The following NCALD variants were observed in gnomAD, a reference collection of about 807,000 sequenced individuals.
NCALD encodes neurocalcin delta.
NCALD carries 10 observed loss-of-function variants against 18.6 expected under a neutral mutation model. The ratio of observed to expected loss-of-function variants is 0.54; its 90% confidence interval spans 0.33 to 0.91. The LOEUF (loss-of-function observed/expected upper bound fraction) is 0.91, where lower values mean the gene tolerates loss of function less well. Ranked by LOEUF, NCALD falls within the 40% of genes least tolerant of loss-of-function variation. The pLI, the probability that NCALD is intolerant of heterozygous loss-of-function variation, is 0.03. For missense variants in NCALD, 184 were observed against 247.6 expected (o/e 0.74, Z 1.72); for synonymous variants, 88 against 87.4 (o/e 1.01, Z -0.04).
chr8:101,804,828 C>A (rs904851595), intron 4 of NCALD, among the ~76,000 whole-genome samples: 8 of 151,214 alleles, frequency 5.3e-5, no homozygotes, highest in Middle Eastern at 3.4e-3. Context: ...GTGTGACTCA[C>A]TTTATTGCAA....
intron 2 of NCALD, among the ~76,000 whole-genome samples, chr8:101,960,617 C>T (rs1554672593): frequency 1.3e-5 from 2 of 152,078 alleles, no homozygotes; most frequent in Admixed American, 6.5e-5. Flanking sequence ...GTCACAGAAC[C>T]TCTGTGAACC....
intron 1 of NCALD, among the ~76,000 whole-genome samples, chr8:101,771,785 A>T (rs1811594562): frequency 6.6e-6 from 1 of 152,214 alleles, no homozygotes; most frequent in South Asian, 2.1e-4. Context: ...AGCCTAAGAA[A>T]ACACATCTCC....
At chr8:101,921,175 G>C (rs1004489164) in intron 2 of NCALD, among the ~76,000 whole-genome samples, 3 of 151,802 alleles carry the variant, frequency 2.0e-5, no homozygotes, top group African/African-American at 7.3e-5. Flanking sequence ...ACCTCTGAGA[G>C]TGCCAGTCTA....
intron 1 of NCALD, among the ~76,000 whole-genome samples, chr8:102,106,264 T>G (rs368738714): frequency 0.017 from 2,615 of 150,362 alleles, 100 homozygotes; most frequent in African/African-American, 0.06. Flanking sequence ...GTAGGGGGGG[T>G]GGTTTCACCA....
chr8:101,755,539 C>T (rs1278233326), intron 1 of NCALD, among the ~76,000 whole-genome samples: 1 of 152,162 alleles, frequency 6.6e-6, no homozygotes, highest in Non-Finnish European at 1.5e-5. Flanking sequence ...ACCATTCACC[C>T]TATCTTCTCC....
chr8:101,925,280 A>G (rs565225022), intron 2 of NCALD, among the ~76,000 whole-genome samples: 1 of 152,230 alleles, frequency 6.6e-6, no homozygotes, highest in African/African-American at 2.4e-5. Context: ...TGACAGCCAG[A>G]CTATAAGGGG....
chr8:101,719,270 C>A lies in NCALD; in HGVS notation c.360G>T (p.Glu120Asp), dbSNP rs115184838. ...LDGNGYISKA[E>D]MLEIVQAIYK... The stretch of plus-strand genomic sequence containing the variant: ...TACGTACCTGCACGATCTCTAGCAT[C>A]TCTGCCTTGCTGATATAGCCATTTC... The change falls in exon 2 of 4, where the codon GAG (glutamate) becomes GAT (aspartate). Residue 120 changes from glutamate (E) to aspartate (D), a missense_variant. Glu to Asp is a conservative substitution (Grantham distance 45, BLOSUM62 2). Transcript: ENST00000220931. 6.2e-7 allele frequency: 1 copy of A among 1,613,922 alleles called. No homozygotes were observed. The highest frequency in any genetic ancestry group is 8.5e-7 in the Non-Finnish European group (1 of 1,179,934).
intron 2 of NCALD, among the ~76,000 whole-genome samples, chr8:102,012,075 C>G (rs1740530991): frequency 6.6e-6 from 1 of 152,122 alleles, no homozygotes; most frequent in African/African-American, 2.4e-5. Flanking sequence ...TGGGACATTG[C>G]CCCGAAGGAG....
intron 1 of NCALD, among the ~76,000 whole-genome samples, chr8:101,748,675 A>G (rs1401636524): frequency 2.6e-5 from 4 of 152,240 alleles, no homozygotes; most frequent in Non-Finnish European, 5.9e-5. Context: ...TCTTACCATC[A>G]TCCTTATTTT....
intron 1 of NCALD, among the ~76,000 whole-genome samples, chr8:101,774,641 C>A (rs1158243817): frequency 6.6e-6 from 1 of 152,188 alleles, no homozygotes; most frequent in Non-Finnish European, 1.5e-5. Context: ...CATCTTGTCT[C>A]ACAAGTGATG....
intron 1 of NCALD, among the ~76,000 whole-genome samples, chr8:102,112,825 G>A (rs1450264497): frequency 6.6e-6 from 1 of 152,096 alleles, no homozygotes; most frequent in Non-Finnish European, 1.5e-5. Context: ...TGATTATTAA[G>A]AGCCTGGCAC....
At chr8:101,696,124 G>T (rs780106238) in intron 2 of NCALD, among the ~76,000 whole-genome samples, 1 of 152,094 alleles carries the variant, frequency 6.6e-6, no homozygotes, top group Non-Finnish European at 1.5e-5. Context: ...AGAGGTTTGG[G>T]TATTTAGAAG....
intron 3 of NCALD, among the ~76,000 whole-genome samples, chr8:101,891,518 G>A (rs891890186): frequency 2.0e-5 from 3 of 152,210 alleles, no homozygotes; most frequent in Non-Finnish European, 4.4e-5. Context: ...AGCCAAGATG[G>A]CCAAATAGGA....
At chr8:101,759,557 C>A (rs1311087478) in intron 1 of NCALD, among the ~76,000 whole-genome samples, 4 of 152,174 alleles carry the variant, frequency 2.6e-5, no homozygotes, top group Non-Finnish European at 5.9e-5. Flanking sequence ...ATCCCAGGGA[C>A]CTGCCTGCTG....
chr8:102,117,508 C>G (rs1336464028), intron 1 of NCALD, among the ~76,000 whole-genome samples: 1 of 152,064 alleles, frequency 6.6e-6, no homozygotes, highest in African/African-American at 2.4e-5. Flanking sequence ...ACAGAGGGAA[C>G]GATCCTCTCC....
chr8:101,757,939 G>A (rs997459107), intron 1 of NCALD, among the ~76,000 whole-genome samples: 3 of 152,118 alleles, frequency 2.0e-5, no homozygotes, highest in East Asian at 1.9e-4. Flanking sequence ...CTACAGTTGT[G>A]TGCTATCACA....
chr8:102,093,260 CTT>C (rs1169524434), intron 1 of NCALD, among the ~76,000 whole-genome samples: 1 of 152,116 alleles, frequency 6.6e-6, no homozygotes, highest in African/African-American at 2.4e-5. Flanking sequence ...AAGAACTACT[CTT>C]TTTGTTCTTT....
intron 3 of NCALD, among the ~76,000 whole-genome samples, chr8:101,888,587 T>C (rs1468372921): frequency 6.9e-6 from 1 of 145,880 alleles, no homozygotes; most frequent in African/African-American, 2.5e-5. Context: ...CTGGCTAACC[T>C]TTTTTTTTTA....
chr8:101,914,070 T>C (rs1393642964), intron 3 of NCALD, among the ~76,000 whole-genome samples: 3 of 152,220 alleles, frequency 2.0e-5, no homozygotes, highest in South Asian at 2.1e-4. Context: ...CTAAACTCCA[T>C]ACTTTAATCA....
Sources: gnomAD v4.1 joint callset for allele counts (sites outside exome capture counted in the v4.1 genomes callset) on GRCh38, gnomAD v4.1.1 for gene constraint, MANE v1.5 for transcripts, NCBI Gene and HGNC (gene_info 2026-07-23, HGNC 2026-07-21) for gene names.